Variants in VPS35L observed in about 807,000 individuals in gnomAD.
VPS35L encodes VPS35 endosomal protein sorting factor like.
VPS35L carries 83 observed loss-of-function variants against 133.0 expected under a neutral mutation model. The ratio of observed to expected loss-of-function variants is 0.62; its 90% CI spans 0.52 to 0.75. The LOEUF (loss-of-function observed/expected upper bound fraction) is 0.75. VPS35L is among the 30% of genes least tolerant of loss of function. VPS35L has a pLI of 0.00. For synonymous variants in VPS35L, 423 were observed against 449.9 expected (o/e 0.94, Z 0.76); for missense variants, 1,083 against 1,206.8 (o/e 0.90, Z 1.52).
intron 18 of VPS35L, among the ~76,000 whole-genome samples, chr16:19,631,201 G>A (rs976310195): frequency 6.6e-6 from 1 of 152,064 alleles, no homozygotes; most frequent in Non-Finnish European, 1.5e-5. Flanking sequence ...CCTGGTTTAT[G>A]GTATTTTGGT....
chr16:19,616,299 T>C (rs979763123), intron 13 of VPS35L, 108 bp downstream of exon 13: 1 of 913,542 alleles, frequency 1.1e-6, no homozygotes, highest in African/African-American at 1.6e-5. Flanking sequence ...GCTCTTTAAA[T>C]GTGCAAGCCC....
At chr16:19,583,063 TG>T (rs1051434643) in intron 7 of VPS35L, among the ~76,000 whole-genome samples, 1 of 152,096 alleles carries the variant, frequency 6.6e-6, no homozygotes, top group African/African-American at 2.4e-5. Flanking sequence ...TTGTGTGTGT[TG>T]GGGGGGTACC....
At chr16:19,626,143 G>T in intron 14 of VPS35L, 34 bp from the exon 15 acceptor site, 2 of 1,465,206 alleles carry the variant, frequency 1.4e-6, no homozygotes, top group South Asian at 2.6e-5. Flanking sequence ...CCTCCAACCT[G>T]ATTTTTTAAT....
intron 26 of VPS35L, among the ~76,000 whole-genome samples, chr16:19,664,702 C>T (rs1974603608): frequency 6.6e-6 from 1 of 152,000 alleles, no homozygotes; most frequent in Non-Finnish European, 1.5e-5. Flanking sequence ...GGAGTTAAGA[C>T]CAGCTTGCCC....
At chr16:19,656,117 A>G (rs1352064183) in intron 26 of VPS35L, among the ~76,000 whole-genome samples, 1 of 151,876 alleles carries the variant, frequency 6.6e-6, no homozygotes, top group African/African-American at 2.4e-5. Flanking sequence ...TAAAAAAATT[A>G]GGCAGTTGTG....
intron 1 of VPS35L, among the ~76,000 whole-genome samples, chr16:19,556,501 A>AGGT (rs563572440): frequency 5.5e-4 from 84 of 152,324 alleles, no homozygotes; most frequent in Non-Finnish European, 1.1e-3. Flanking sequence ...AGGGTTCAGC[A>AGGT]GGTGGTATGT....
rs1972078914 is a variant in VPS35L at position 19,592,600 on chromosome 16, A to T, written c.724+726A>T. 1.3e-5 allele frequency among the ~76,000 whole-genome samples: 2 copies of T among 151,250 alleles called. 1 individual carries two copies. On this transcript the variant is annotated intron_variant, in intron 8 of 30. Transcript: ENST00000417362. The stretch of plus-strand genomic sequence containing the variant: ...GCTGGGAATCTGAGCATCTTCCCCC[A>T]CATGCCCATGTCCAGTCACCAGATT...
Position 19,699,728 on chromosome 16 carries a change from C to T in VPS35L, c.2793+80C>T. The stretch of plus-strand genomic sequence containing the variant: ...CCTCAACACAGCATTGTGGCCTGGA[C>T]ATCAGACAGACAACCCCATACTCCC... On this transcript the variant is annotated intron_variant, in intron 30 of 30. Transcript: ENST00000417362. This position sits in a 1 kb window ranked among gnomAD's most constrained non-coding sequence, Gnocchi z 4.2. The T allele has an allele frequency of 3.8e-6, 6 of 1,561,356 alleles. No individual in the cohort carries two copies. The South Asian group carries it at 4.5e-5, about 12-fold the overall frequency.
chr16:19,666,185 T>G (rs1392388972), intron 26 of VPS35L, among the ~76,000 whole-genome samples: 1 of 152,162 alleles, frequency 6.6e-6, no homozygotes. Flanking sequence ...TAAGTTGATG[T>G]GATCCCATTT....
chr16:19,606,898 C>T (rs921965760), intron 9 of VPS35L, among the ~76,000 whole-genome samples: 1 of 152,170 alleles, frequency 6.6e-6, no homozygotes, highest in Non-Finnish European at 1.5e-5. Flanking sequence ...GATCCTGCCA[C>T]CTCAGCCTTC....
intron 27 of VPS35L, among the ~76,000 whole-genome samples, chr16:19,670,386 CCTT>C (rs1224929417): frequency 6.6e-6 from 1 of 152,232 alleles, no homozygotes; most frequent in Non-Finnish European, 1.5e-5. Flanking sequence ...CCTGGCCCAT[CCTT>C]CTTCCAGCTC....
At chr16:19,604,637 A>G (rs1972488370) in intron 9 of VPS35L, among the ~76,000 whole-genome samples, 1 of 152,210 alleles carries the variant, frequency 6.6e-6, no homozygotes, top group African/African-American at 2.4e-5. Context: ...AATGACTCTT[A>G]AGTATAATTA....
intron 14 of VPS35L, among the ~76,000 whole-genome samples, chr16:19,618,829 A>G (rs1348171779): frequency 2.0e-5 from 3 of 151,880 alleles, no homozygotes; most frequent in South Asian, 4.2e-4. Context: ...TGATTTTTAT[A>G]TCTGTGCGAG....
intron 26 of VPS35L, among the ~76,000 whole-genome samples, chr16:19,664,638 C>T (rs181349427): frequency 2.0e-5 from 3 of 151,668 alleles, no homozygotes; most frequent in Non-Finnish European, 4.4e-5. Context: ...CGGTGGCTCA[C>T]GCCTGTAATC....
intron 23 of VPS35L, among the ~76,000 whole-genome samples, chr16:19,646,951 A>G (rs1973970739): frequency 2.0e-5 from 3 of 152,182 alleles, no homozygotes; most frequent in African/African-American, 7.2e-5. Context: ...AATATCTTCT[A>G]TTTTAATAGA....
intron 28 of VPS35L, among the ~76,000 whole-genome samples, chr16:19,688,220 C>A (rs983424715): frequency 3.3e-5 from 5 of 152,084 alleles, no homozygotes; most frequent in Non-Finnish European, 2.9e-5. Context: ...AGCCACTGTG[C>A]CTGGCCATCT....
intron 7 of VPS35L, chr16:19,587,380 A>C: frequency 4.4e-6 from 2 of 450,362 alleles, no homozygotes; most frequent in South Asian, 3.1e-5. Flanking sequence ...CTGTAATCCC[A>C]GCACTTTGGG....
At chr16:19,625,799 G>C (rs1199204585) in intron 14 of VPS35L, among the ~76,000 whole-genome samples, 1 of 152,048 alleles carries the variant, frequency 6.6e-6, no homozygotes, top group Non-Finnish European at 1.5e-5. Flanking sequence ...TTAGCCCTCT[G>C]AGTAGCTGGG....
In VPS35L at chr16:19,639,960, C is replaced by T; in HGVS notation, c.1699-55C>T. On this transcript the variant is annotated intron_variant, in intron 20 of 30. Transcript: ENST00000417362. This position sits in a 1 kb window ranked among gnomAD's most constrained non-coding sequence, Gnocchi z 4.1. ...CCACAGAAAAAGAGACCCACAGATT[C>T]CTTCCTTCCAATAACTTGTGTCATT... is the stretch of plus-strand genomic sequence containing the variant. The T allele has an allele frequency of 1.4e-6, 2 of 1,458,300 alleles. No individual in the cohort carries two copies. Among genetic ancestry groups the T allele is most frequent in the Non-Finnish European group, 1.9e-6 (2 of 1,043,050 alleles). 90.3% of individuals were successfully genotyped at this position (1,458,300 alleles called of 1,614,324 possible).
Sources: gnomAD v4.1 joint callset for allele counts (sites outside exome capture counted in the v4.1 genomes callset) on GRCh38, gnomAD v4.1.1 for gene constraint, Gnocchi (gnomAD v3.1) non-coding constraint, MANE v1.5 for transcripts, NCBI Gene and HGNC (gene_info 2026-07-23, HGNC 2026-07-21) for gene names.